Variants in CACNB4 observed in about 807,000 individuals in gnomAD.
CACNB4 encodes calcium voltage-gated channel auxiliary subunit beta 4.
CACNB4 carries 32 observed loss-of-function variants against 71.2 expected under a neutral mutation model. That is an observed-to-expected ratio of 0.45 (90% CI 0.34 to 0.60). The LOEUF (loss-of-function observed/expected upper bound fraction) is 0.60, where lower values mean the gene tolerates loss of function less well. Among genes scored for constraint, CACNB4 ranks in the 20% least tolerant of loss-of-function variants. CACNB4 has a pLI of 0.01. For synonymous variants in CACNB4, 231 were observed against 236.9 expected, an observed-to-expected ratio of 0.97 and a Z score of 0.23; for missense variants, 464 against 647.9, an observed-to-expected ratio of 0.72 and a Z score of 3.08.
chr2:151,983,575 C>T (rs1241721793), intron 2 of CACNB4, among the ~76,000 whole-genome samples: 3 of 151,644 alleles, frequency 2.0e-5, no homozygotes, highest in Admixed American at 6.6e-5. Context: ...TACATTGGTA[C>T]TGATAGAAAG....
intron 4 of CACNB4, among the ~76,000 whole-genome samples, chr2:151,879,048 T>G (rs1260909112): frequency 6.6e-6 from 1 of 152,254 alleles, no homozygotes; most frequent in Admixed American, 6.5e-5. Context: ...GGTCTGTTTA[T>G]TTTGGAATTA....
chr2:151,888,126 C>G (rs1019691402), intron 2 of CACNB4, among the ~76,000 whole-genome samples: 1 of 152,184 alleles, frequency 6.6e-6, no homozygotes, highest in Admixed American at 6.5e-5. Context: ...TCTCCATTCC[C>G]AGCTCGGGAC....
chr2:151,989,708 C>A (rs1460663231), intron 2 of CACNB4, among the ~76,000 whole-genome samples: 1 of 152,132 alleles, frequency 6.6e-6, no homozygotes, highest in African/African-American at 2.4e-5. Context: ...GTTCAACAAC[C>A]ACATATTCAA....
chr2:152,083,320 C>T (rs1560188275), intron 2 of CACNB4, among the ~76,000 whole-genome samples: 1 of 147,292 alleles, frequency 6.8e-6, no homozygotes. Flanking sequence ...AAAAAGAAAG[C>T]AAGCAAGGAA....
intron 2 of CACNB4, among the ~76,000 whole-genome samples, chr2:151,893,392 C>T (rs2099851216): frequency 6.6e-6 from 1 of 152,032 alleles, no homozygotes; most frequent in Non-Finnish European, 1.5e-5. Context: ...TAGGCATGTG[C>T]CATCATGCAA....
chr2:151,971,546 GC>G, intron 2 of CACNB4: 1 of 702,860 alleles, frequency 1.4e-6, no homozygotes, highest in Non-Finnish European at 2.6e-6. Flanking sequence ...CACACTTACA[GC>G]CATAAATGCA....
At chr2:151,901,524 C>T (rs2099853422) in intron 2 of CACNB4, among the ~76,000 whole-genome samples, 2 of 151,878 alleles carry the variant, frequency 1.3e-5, no homozygotes, top group Admixed American at 6.6e-5. Flanking sequence ...AGGTCCAAGA[C>T]AATACAATAC....
At chr2:152,078,025 G>A (rs997308287) in intron 2 of CACNB4, among the ~76,000 whole-genome samples, 3 of 152,134 alleles carry the variant, frequency 2.0e-5, no homozygotes, top group African/African-American at 4.8e-5. Flanking sequence ...GAAGAGAGAC[G>A]GCGGTGGCGC....
At chr2:151,971,828 T>C in intron 2 of CACNB4, 1 of 536,286 alleles carries the variant, frequency 1.9e-6, no homozygotes. Context: ...TCCCATACTC[T>C]CAACTGAGGA....
rs142343242 is a variant in CACNB4 at position 152,070,703 on chromosome 2, T to C, written c.147+27627A>G. ...GAGGCTAATTTAAACAGGTATCCAA[T>C]AGTTAATCATTTCAGCAAACCAATT... On this transcript the variant is annotated intron_variant, in intron 2 of 13. Transcript: ENST00000539935. 4.7e-4 allele frequency among the ~76,000 whole-genome samples: 71 copies of C among 152,332 alleles called. 1 individual carries two copies. In the East Asian group the frequency reaches 0.012, roughly 26 times the overall value.
At chr2:151,995,696 G>A (rs576040524) in intron 2 of CACNB4, among the ~76,000 whole-genome samples, 3 of 152,306 alleles carry the variant, frequency 2.0e-5, no homozygotes, top group South Asian at 2.1e-4. Context: ...GTGACAAAGC[G>A]AGACTCCGTC....
Position 151,880,925 on chromosome 2 carries a change from A to C in CACNB4, c.268-3T>G. 6.2e-7 allele frequency: 1 copy of C among 1,611,398 alleles called. No individual in the cohort carries two copies. Among genetic ancestry groups the C allele is most frequent in the Non-Finnish European group, 8.5e-7 (1 of 1,178,528 alleles). The stretch of plus-strand genomic sequence containing the variant: ...ACGGCAAATGCTACAGGTTTGGACT[A>C]GGGACAGAACCATGGAATAAGGAAT... On this transcript the variant is annotated splice_region_variant and splice_polypyrimidine_tract_variant and intron_variant, in intron 3 of 13. Coordinates refer to ENST00000539935, the MANE Select transcript of CACNB4 (RefSeq NM_000726.5).
chr2:151,930,417 T>C (rs906462389), intron 2 of CACNB4, among the ~76,000 whole-genome samples: 1 of 152,184 alleles, frequency 6.6e-6, no homozygotes, highest in Non-Finnish European at 1.5e-5. Flanking sequence ...TTTTTTGATA[T>C]GGGGAGTATT....
chr2:151,883,154 A>C, intron 3 of CACNB4, 97 bp downstream of exon 3: 2 of 1,286,800 alleles, frequency 1.6e-6, no homozygotes, highest in Non-Finnish European at 2.2e-6. Flanking sequence ...GAATAATCAC[A>C]AAATGATTAT....
intron 2 of CACNB4, among the ~76,000 whole-genome samples, chr2:152,001,766 G>A (rs1443322044): frequency 3.3e-5 from 5 of 151,694 alleles, no homozygotes; most frequent in East Asian, 1.9e-4. Flanking sequence ...AAGTGCTTCC[G>A]GAGGATGATG....
chr2:151,942,478 A>T (rs970278468), intron 2 of CACNB4, among the ~76,000 whole-genome samples: 1 of 149,040 alleles, frequency 6.7e-6, no homozygotes, highest in Non-Finnish European at 1.5e-5. Context: ...AACAATATGA[A>T]ATCAGTGCAC....
intron 2 of CACNB4, among the ~76,000 whole-genome samples, chr2:152,082,067 G>A (rs1687385807): frequency 6.6e-6 from 1 of 152,174 alleles, no homozygotes; most frequent in African/African-American, 2.4e-5. Context: ...TATAATAGCA[G>A]GAGCTATACT....
chr2:151,861,860 T>TAAAAAAAAAAAAAAA (rs2099841807), intron 9 of CACNB4: 1 of 104,962 alleles, frequency 9.5e-6, no homozygotes. Context: ...AAAAAAAAAC[T>TAAAAAAAAAAAAAAA]GAAGAATAAA....
intron 2 of CACNB4, among the ~76,000 whole-genome samples, chr2:152,012,856 T>G (rs187834730): frequency 0.018 from 2,742 of 152,240 alleles, 87 homozygotes; most frequent in African/African-American, 0.062. Context: ...TCTACAGTAG[T>G]GGACAGTAAT....
Sources: gnomAD v4.1 joint callset for allele counts (sites outside exome capture counted in the v4.1 genomes callset) on GRCh38, gnomAD v4.1.1 for gene constraint, MANE v1.5 for transcripts, NCBI Gene and HGNC (gene_info 2026-07-23, HGNC 2026-07-21) for gene names.